Variants in DYM observed in about 807,000 individuals in gnomAD.
The protein encoded by DYM is dyggve-Melchior-Clausen syndrome protein.
DYM carries 78 observed loss-of-function variants against 93.1 expected under a neutral mutation model. That is an observed-to-expected ratio of 0.84 (90% confidence interval 0.70 to 1.01). DYM has a LOEUF of 1.01. Ranked by LOEUF, DYM falls within the 50% of genes least tolerant of loss-of-function variation. DYM has a pLI of 0.00. For synonymous variants in DYM, 321 were observed against 319.7 expected (o/e 1.00, Z -0.04); for missense variants, 789 against 845.0 (o/e 0.93, Z 0.82).
At chr18:49,391,553 A>T in intron 3 of DYM, 40 bp downstream of exon 3, 40 of 1,597,574 alleles carry the variant, frequency 2.5e-5, no homozygotes, top group Non-Finnish European at 3.3e-5. Flanking sequence ...TCTAAAACAA[A>T]ATTTGAAAAC....
At chr18:49,430,649 G>C (rs188384281) in intron 1 of DYM, among the ~76,000 whole-genome samples, 120 of 152,254 alleles carry the variant, frequency 7.9e-4, no homozygotes, top group Non-Finnish European at 1.3e-3. Flanking sequence ...CACTTTGGGA[G>C]GCTGAGGCGG....
chr18:49,209,650 TGA>T lies in DYM; in HGVS notation c.1524_1525del (p.His509LeufsTer13), dbSNP rs1568016902. The T allele has an allele frequency of 7.8e-7, 1 of 1,289,044 alleles. No homozygotes were observed. The highest frequency in any genetic ancestry group is 1.0e-6 in the Non-Finnish European group (1 of 988,510). 79.9% of individuals were successfully genotyped at this position (1,289,044 alleles called of 1,614,324 possible). ...GAAGCAATGCTGAAGCGTAGAACAG[TGA>T]GAGTGGGGGAAATACAGTTTGTCCA... On this transcript the variant is annotated frameshift_variant, in exon 14 of 18. Coordinates refer to ENST00000675505, the MANE Select transcript of DYM (RefSeq NM_001353214.3). LOFTEE classifies it high-confidence loss of function.
At chr18:49,197,409 G>T (rs1009526954) in intron 14 of DYM, among the ~76,000 whole-genome samples, 3 of 151,984 alleles carry the variant, frequency 2.0e-5, no homozygotes, top group Admixed American at 1.3e-4. Context: ...CCAAAAGAGG[G>T]TGGGGCTGTA....
intron 6 of DYM, among the ~76,000 whole-genome samples, chr18:49,355,366 TGATA>T (rs773135648): frequency 4.5e-4 from 67 of 149,218 alleles, no homozygotes; most frequent in African/African-American, 8.0e-4. Context: ...ATAGGTACAT[TGATA>T]GATAGATGAT....
At chr18:49,098,409 T>C (rs1439793328) in intron 16 of DYM, among the ~76,000 whole-genome samples, 3 of 152,366 alleles carry the variant, frequency 2.0e-5, no homozygotes, top group Admixed American at 1.3e-4. Flanking sequence ...TAAATGCTAA[T>C]TGTTTAAGAG....
chr18:49,288,212 T>A (rs2059790670), intron 8 of DYM, among the ~76,000 whole-genome samples: 1 of 152,148 alleles, frequency 6.6e-6, no homozygotes. Context: ...TGACACACTA[T>A]AACTAATAGA....
At chr18:49,302,742 G>T (rs1026611979) in intron 8 of DYM, among the ~76,000 whole-genome samples, 6 of 151,614 alleles carry the variant, frequency 4.0e-5, no homozygotes, top group Non-Finnish European at 5.9e-5. Flanking sequence ...TACCCATAAA[G>T]AATTAAAGCT....
At chr18:49,084,776 G>A (rs985668246) in intron 17 of DYM, among the ~76,000 whole-genome samples, 1 of 152,130 alleles carries the variant, frequency 6.6e-6, no homozygotes. Flanking sequence ...AATGTTGACT[G>A]GAAGAAGAAA....
At chr18:49,286,742 T>C in intron 8 of DYM, 126 bp from the exon 9 acceptor site, 1 of 928,594 alleles carries the variant, frequency 1.1e-6, no homozygotes, top group Non-Finnish European at 1.7e-6. Context: ...ACAAGAATCA[T>C]GTCTATACAT....
chr18:49,409,686 T>G (rs2071987244), intron 2 of DYM, among the ~76,000 whole-genome samples: 1 of 152,192 alleles, frequency 6.6e-6, no homozygotes, highest in Non-Finnish European at 1.5e-5. Flanking sequence ...AGCCTGTAGT[T>G]CAAGAATTCA....
intron 12 of DYM, 101 bp downstream of exon 12, chr18:49,258,279 T>C (rs1291680363): frequency 1.3e-5 from 10 of 785,536 alleles, no homozygotes; most frequent in East Asian, 2.6e-5. Context: ...TTCTACCATA[T>C]GTCACGAGAA....
At chr18:49,143,091 T>C (rs1233019070) in intron 15 of DYM, among the ~76,000 whole-genome samples, 1 of 152,224 alleles carries the variant, frequency 6.6e-6, no homozygotes, top group African/African-American at 2.4e-5. Context: ...GAAAACCTAC[T>C]ATGATCATGG....
At chr18:49,186,215 C>CT (rs1000512871) in intron 14 of DYM, among the ~76,000 whole-genome samples, 5 of 152,086 alleles carry the variant, frequency 3.3e-5, no homozygotes, top group South Asian at 4.1e-4. Flanking sequence ...TGCCCACTGT[C>CT]TTTTTTTATT....
chr18:49,346,030 A>AG lies in DYM; in HGVS notation c.495-12178dup, dbSNP rs540380098. On this transcript the variant is annotated intron_variant, in intron 6 of 17. Coordinates refer to ENST00000675505, the MANE Select transcript of DYM (RefSeq NM_001353214.3). ...ACTGAAACCCTCTTTCATGGCTGGC[A>AG]GGAAGGTAAAGTGGTGAAACTGCTG... Among the ~76,000 whole-genome samples, 114 of 152,304 alleles carry AG rather than the reference A, an allele frequency of 7.5e-4. 2 individuals carry two copies. The highest frequency in any genetic ancestry group is 2.7e-3 in the African/African-American group (113 of 41,574).
At chr18:49,389,957 AACTAC>A (rs2069037626) in intron 3 of DYM, among the ~76,000 whole-genome samples, 1 of 152,180 alleles carries the variant, frequency 6.6e-6, no homozygotes. Context: ...TTATCACAGT[AACTAC>A]ACTAATATTG....
intron 15 of DYM, among the ~76,000 whole-genome samples, chr18:49,147,525 G>A (rs1384091316): frequency 1.3e-5 from 2 of 152,126 alleles, no homozygotes; most frequent in African/African-American, 2.4e-5. Context: ...ATGAAAAAGT[G>A]GGCGAAGGAT....
At chr18:49,157,493 TC>T (rs2086599244) in intron 15 of DYM, among the ~76,000 whole-genome samples, 1 of 152,194 alleles carries the variant, frequency 6.6e-6, no homozygotes, top group Admixed American at 6.5e-5. Flanking sequence ...TCTTTTTGGT[TC>T]TGGCCATCAT....
At chr18:49,185,121 C>T in intron 14 of DYM, among the ~76,000 whole-genome samples, 1 of 152,106 alleles carries the variant, frequency 6.6e-6, no homozygotes. Context: ...AGGACATGTT[C>T]AAGTTGAATT....
chr18:49,114,077 A>G lies in DYM; in HGVS notation c.1911+4667T>C, dbSNP rs185047128. ...CCTCCTAGGGATGGCGAAAGGGCCA[A>G]TGACATAAAGCCCCCTGCAATAACA... On this transcript the variant is annotated intron_variant, in intron 16 of 17. Coordinates refer to ENST00000675505, the MANE Select transcript of DYM (RefSeq NM_001353214.3). Among the ~76,000 whole-genome samples, 12 of 152,336 alleles carry G rather than the reference A, an allele frequency of 7.9e-5. No individual in the cohort carries two copies. In the East Asian group the frequency reaches 2.3e-3, roughly 29 times the overall value.
Sources: gnomAD v4.1 joint callset for allele counts (sites outside exome capture counted in the v4.1 genomes callset) on GRCh38, gnomAD v4.1.1 for gene constraint, MANE v1.5 for transcripts, NCBI Gene and HGNC (gene_info 2026-07-23, HGNC 2026-07-21) for gene names.